Variants in ARMC9 observed in about 807,000 individuals in gnomAD.
ARMC9 encodes the protein armadillo repeat containing 9.
ARMC9 carries 94 observed loss-of-function variants against 107.0 expected under a neutral mutation model. That is an observed-to-expected ratio of 0.88 (90% CI 0.74 to 1.04). The LOEUF is 1.04. Among genes scored for constraint, ARMC9 ranks in the 50% least tolerant of loss-of-function variants. ARMC9 has a pLI of 0.00. For missense variants in ARMC9, 942 were observed against 1,030.1 expected, an observed-to-expected ratio of 0.91 and a Z score of 1.17; for synonymous variants, 380 against 396.9, an observed-to-expected ratio of 0.96 and a Z score of 0.51.
At chr2:231,267,991 C>T (rs2038998615) in intron 12 of ARMC9, among the ~76,000 whole-genome samples, 1 of 152,110 alleles carries the variant, frequency 6.6e-6, no homozygotes, top group African/African-American at 2.4e-5. Flanking sequence ...AGAATGAATA[C>T]CTGTGATGTA....
At chr2:231,205,589 G>T (rs1306367716) in intron 1 of ARMC9, among the ~76,000 whole-genome samples, 1 of 152,162 alleles carries the variant, frequency 6.6e-6, no homozygotes, top group Non-Finnish European at 1.5e-5. Context: ...TTGAGGGAGG[G>T]CTAGTAGAAA....
intron 1 of ARMC9, among the ~76,000 whole-genome samples, chr2:231,202,874 C>T (rs1165022033): frequency 1.3e-5 from 2 of 152,162 alleles, no homozygotes; most frequent in Admixed American, 6.5e-5. Flanking sequence ...CTGTTCCCTT[C>T]AGGTGCACTA....
intron 9 of ARMC9, among the ~76,000 whole-genome samples, chr2:231,248,907 C>T (rs2037035149): frequency 6.6e-6 from 1 of 152,070 alleles, no homozygotes; most frequent in Non-Finnish European, 1.5e-5. Context: ...CTGCCCAGTC[C>T]CCTGGCTGAG....
At chr2:231,254,500 G>A (rs992698782) in intron 9 of ARMC9, among the ~76,000 whole-genome samples, 3 of 151,918 alleles carry the variant, frequency 2.0e-5, no homozygotes, top group African/African-American at 7.3e-5. Context: ...CTAGATTTTG[G>A]AAGTCTAGCT....
intron 9 of ARMC9, chr2:231,256,010 A>G (rs1428985534): frequency 1.5e-6 from 2 of 1,319,734 alleles, no homozygotes; most frequent in Non-Finnish European, 1.0e-6. Flanking sequence ...ACTGCTCTCC[A>G]GCCTGGGTGA....
chr2:231,318,652 C>T (rs1038398147), intron 19 of ARMC9, among the ~76,000 whole-genome samples: 2 of 152,222 alleles, frequency 1.3e-5, no homozygotes, highest in East Asian at 3.8e-4. Flanking sequence ...ACACAGTTCT[C>T]ACCCAGTGCC....
At position 231,259,466 on chromosome 2, in the gene ARMC9, G is replaced by A. The variant is rs536667878; in HGVS notation, c.1026+364G>A. 7.9e-5 allele frequency among the ~76,000 whole-genome samples: 12 copies of A among 152,226 alleles called. No individual in the cohort carries two copies. The South Asian group carries it at 2.1e-3, about 26-fold the overall frequency. On this transcript the variant is annotated intron_variant, in intron 11 of 24. Transcript: ENST00000611582. Reference sequence around the variant, plus strand: ...TATTCAGCCACTGCCATGCAGCCACGCTGGACAGGCACCAACGAAAGAACT... The same window carrying A: ...TATTCAGCCACTGCCATGCAGCCACACTGGACAGGCACCAACGAAAGAACT...
In ARMC9 at chr2:231,360,984, C is replaced by G; in HGVS notation, c.2261+101C>G. On this transcript the variant is annotated intron_variant, in intron 23 of 24. Coordinates refer to ENST00000611582, the MANE Select transcript of ARMC9 (RefSeq NM_001352754.2). This position sits in a 1 kb window ranked among gnomAD's most constrained non-coding sequence, Gnocchi z 4.7. ...CACCCAGGAGACCTGGAAGGCTCCT[C>G]TGAGGCCCAGCCTCTGACAGGGGAG... 1 of 1,423,444 alleles carries G rather than the reference C, an allele frequency of 7.0e-7. No homozygotes were observed. The highest frequency in any genetic ancestry group is 9.2e-7 in the Non-Finnish European group (1 of 1,087,770). 88.2% of individuals were successfully genotyped at this position (1,423,444 alleles called of 1,614,324 possible).
intron 6 of ARMC9, among the ~76,000 whole-genome samples, chr2:231,225,772 G>A (rs1454844581): frequency 1.3e-5 from 2 of 152,168 alleles, no homozygotes; most frequent in Non-Finnish European, 2.9e-5. Context: ...TTTGGAGGAT[G>A]ATGAAAATGT....
At chr2:231,237,782 T>TATATATATATATATATA (rs1491260929) in intron 8 of ARMC9, among the ~76,000 whole-genome samples, 2 of 24,874 alleles carry the variant, frequency 8.0e-5, no homozygotes, top group African/African-American at 3.2e-4. Context: ...TATATATATA[T>TATATATATATATATATA]TTTTTTTTTT....
chr2:231,227,924 C>T (rs147813878), intron 7 of ARMC9, among the ~76,000 whole-genome samples: 135 of 152,320 alleles, frequency 8.9e-4, no homozygotes, highest in Non-Finnish European at 9.3e-4. Context: ...CATGGAGGAG[C>T]AGGGCTACAG....
At chr2:231,202,632 C>G (rs946706195) in intron 1 of ARMC9, among the ~76,000 whole-genome samples, 1 of 152,152 alleles carries the variant, frequency 6.6e-6, no homozygotes, top group Non-Finnish European at 1.5e-5. Flanking sequence ...TGTTTCACTT[C>G]TAATCACTAA....
intron 19 of ARMC9, among the ~76,000 whole-genome samples, chr2:231,304,401 T>G (rs1219139466): frequency 6.6e-6 from 1 of 152,218 alleles, no homozygotes; most frequent in African/African-American, 2.4e-5. Context: ...TTTCCAAATT[T>G]TTTGTTTGTT....
At chr2:231,216,079 G>T (rs2033469494) in intron 4 of ARMC9, among the ~76,000 whole-genome samples, 1 of 152,188 alleles carries the variant, frequency 6.6e-6, no homozygotes, top group Non-Finnish European at 1.5e-5. Flanking sequence ...GAAGCCCCGA[G>T]AGGGGAACTG....
intron 19 of ARMC9, among the ~76,000 whole-genome samples, chr2:231,323,387 C>T (rs2043110637): frequency 6.6e-6 from 1 of 152,224 alleles, no homozygotes; most frequent in Non-Finnish European, 1.5e-5. Flanking sequence ...CTGCTATCAG[C>T]AAGCTTCATT....
intron 17 of ARMC9, among the ~76,000 whole-genome samples, chr2:231,287,704 T>A (rs943352437): frequency 6.6e-6 from 1 of 152,200 alleles, no homozygotes; most frequent in Non-Finnish European, 1.5e-5. Context: ...AATCATGTCA[T>A]GTAATCATGA....
chr2:231,240,288 G>C, intron 9 of ARMC9: 1 of 517,846 alleles, frequency 1.9e-6, no homozygotes, highest in Non-Finnish European at 3.4e-6. Flanking sequence ...CTCAGTGGGG[G>C]TTCCCAGGGT....
chr2:231,324,352 G>A (rs189605832), intron 19 of ARMC9, among the ~76,000 whole-genome samples: 1 of 150,484 alleles, frequency 6.6e-6, no homozygotes, highest in Non-Finnish European at 1.5e-5. Flanking sequence ...GGTCTTGAAC[G>A]CCTGACCTCG....
chr2:231,231,207 A>G lies in ARMC9; in HGVS notation c.623-4017A>G, dbSNP rs531607139. Among the ~76,000 whole-genome samples the G allele has an allele frequency of 2.6e-5, 4 of 152,220 alleles. No homozygotes were observed. In the South Asian group the frequency reaches 8.3e-4, roughly 32 times the overall value. On this transcript the variant is annotated intron_variant, in intron 7 of 24. Transcript: ENST00000611582. ...CTTGGGAGGTCATTGAGCCTAGCTA[A>G]TGGGTTTTGGTACTTGATTCATCAT...
Sources: allele counts gnomAD v4.1 joint callset (sites outside exome capture counted in the v4.1 genomes callset), GRCh38; gene constraint gnomAD v4.1.1; non-coding constraint Gnocchi (gnomAD v3.1); transcripts MANE v1.5; gene names NCBI Gene and HGNC (gene_info 2026-07-23, HGNC 2026-07-21).